Variants in PDE7B observed in about 807,000 individuals in gnomAD.
PDE7B encodes phosphodiesterase 7B.
In PDE7B, 29 loss-of-function variants were observed where a neutral mutation model predicts 56.2. The observed-to-expected ratio is 0.52, with a 90% CI of 0.38 to 0.70. The LOEUF (loss-of-function observed/expected upper bound fraction) is 0.70, where lower values mean the gene tolerates loss of function less well. Among genes scored for constraint, PDE7B ranks in the 30% least tolerant of loss-of-function variants. The probability of loss-of-function intolerance (pLI) is 0.00; values close to 1 mark genes in which losing one functional copy is unlikely to be tolerated. For missense variants in PDE7B, 490 were observed against 565.0 expected (o/e 0.87, Z 1.35); for synonymous variants, 197 against 196.9 (o/e 1.00, Z 0.00).
chr6:136,012,920 C>A (rs1040720644), intron 2 of PDE7B, among the ~76,000 whole-genome samples: 1 of 152,080 alleles, frequency 6.6e-6, no homozygotes, highest in East Asian at 1.9e-4. Flanking sequence ...CTGTGGAGAG[C>A]AGAATTAGCC....
intron 1 of PDE7B, among the ~76,000 whole-genome samples, chr6:135,905,335 CGT>C (rs1252297143): frequency 8.2e-5 from 10 of 122,434 alleles, no homozygotes; most frequent in African/African-American, 3.1e-4. Flanking sequence ...TACATACATG[CGT>C]GTGTGTGTGT....
intron 1 of PDE7B, among the ~76,000 whole-genome samples, chr6:135,882,687 T>G (rs1231450563): frequency 1.3e-5 from 2 of 152,220 alleles, no homozygotes; most frequent in East Asian, 3.8e-4. Context: ...TAAAGTAATT[T>G]TTGTGCTGTG....
At chr6:135,916,788 T>C (rs997959601) in intron 1 of PDE7B, among the ~76,000 whole-genome samples, 2 of 152,276 alleles carry the variant, frequency 1.3e-5, no homozygotes, top group South Asian at 4.1e-4. Flanking sequence ...ACAATTTCAT[T>C]GTCAGATATA....
At chr6:136,148,972 T>G (rs528931044) in intron 4 of PDE7B, 115 bp from the exon 5 acceptor site, 1 of 714,084 alleles carries the variant, frequency 1.4e-6, no homozygotes. Context: ...TTGCACTAGA[T>G]GGTAGTATGC....
At chr6:136,037,932 A>G in intron 2 of PDE7B, 2 of 1,189,484 alleles carry the variant, frequency 1.7e-6, no homozygotes, top group South Asian at 1.6e-5. Context: ...CCTGGGATTA[A>G]TTAAGTGCTG....
chr6:136,102,417 C>T (rs182770086), intron 2 of PDE7B, among the ~76,000 whole-genome samples: 4 of 152,256 alleles, frequency 2.6e-5, no homozygotes, highest in East Asian at 1.9e-4. Context: ...TAAAAAACAA[C>T]GAACTTTGCT....
At chr6:136,170,296 A>G (rs1778858325) in intron 8 of PDE7B, among the ~76,000 whole-genome samples, 1 of 152,118 alleles carries the variant, frequency 6.6e-6, no homozygotes. Flanking sequence ...TTGTGGTAAA[A>G]TACATGTAAT....
At chr6:136,065,494 G>A (rs1776918596) in intron 2 of PDE7B, among the ~76,000 whole-genome samples, 1 of 152,142 alleles carries the variant, frequency 6.6e-6, no homozygotes, top group African/African-American at 2.4e-5. Flanking sequence ...GCATCACAAA[G>A]CATCTAATTG....
At position 136,183,320 on chromosome 6, in the gene PDE7B, A is replaced by G. The variant is rs533346213; in HGVS notation, c.1045+1997A>G. On this transcript the variant is annotated intron_variant, in intron 11 of 12. Coordinates refer to ENST00000308191, the MANE Select transcript of PDE7B (RefSeq NM_018945.4). ...TTTAAGAGAAGATTATAGGCTGGGCATGGTGGCTCACGCCTGTAATCCCAA... is the reference window on the plus strand; with the variant it reads ...TTTAAGAGAAGATTATAGGCTGGGCGTGGTGGCTCACGCCTGTAATCCCAA... 3.2e-3 allele frequency among the ~76,000 whole-genome samples: 488 copies of G among 152,018 alleles called. 1 individual carries two copies. Among genetic ancestry groups the G allele is most frequent in the South Asian group, 0.015 (72 of 4,804 alleles).
chr6:136,154,440 C>T (rs1871693), intron 7 of PDE7B, among the ~76,000 whole-genome samples: 39,782 of 150,920 alleles, frequency 0.26, 5,968 homozygotes, highest in East Asian at 0.37. Context: ...AAAACTTCCT[C>T]TCTATGGCAA....
At chr6:135,988,234 G>A (rs1254296122) in intron 2 of PDE7B, among the ~76,000 whole-genome samples, 1 of 152,106 alleles carries the variant, frequency 6.6e-6, no homozygotes, top group Non-Finnish European at 1.5e-5. Flanking sequence ...AGAATTGCCT[G>A]TAGAAGAAGG....
At chr6:135,937,204 A>T (rs75959451) in intron 1 of PDE7B, among the ~76,000 whole-genome samples, 2,075 of 152,328 alleles carry the variant, frequency 0.014, 51 homozygotes, top group African/African-American at 0.046. Flanking sequence ...TGTGGTACTC[A>T]TGTTACAGAA....
At chr6:136,074,310 TAGTA>T (rs1777097062) in intron 2 of PDE7B, among the ~76,000 whole-genome samples, 1 of 152,054 alleles carries the variant, frequency 6.6e-6, no homozygotes, top group South Asian at 2.1e-4. Flanking sequence ...TGTGGGCACA[TAGTA>T]AGGGTATATA....
At chr6:135,976,876 T>A (rs1775195250) in intron 2 of PDE7B, among the ~76,000 whole-genome samples, 1 of 152,236 alleles carries the variant, frequency 6.6e-6, no homozygotes, top group Non-Finnish European at 1.5e-5. Context: ...ACACTTTCTA[T>A]CCCATTCATT....
intron 2 of PDE7B, among the ~76,000 whole-genome samples, chr6:136,003,839 C>T (rs1467124743): frequency 6.6e-6 from 1 of 152,202 alleles, no homozygotes; most frequent in Non-Finnish European, 1.5e-5. Flanking sequence ...GGAATCTTCC[C>T]TAACTCATTT....
At chr6:136,186,711 A>G (rs867267363) in intron 11 of PDE7B, among the ~76,000 whole-genome samples, 4 of 152,226 alleles carry the variant, frequency 2.6e-5, no homozygotes, top group African/African-American at 9.6e-5. Context: ...ACTTAAAGCC[A>G]TAACTTTTAT....
intron 3 of PDE7B, among the ~76,000 whole-genome samples, chr6:136,138,592 T>C (rs1366266767): frequency 6.6e-6 from 1 of 152,164 alleles, no homozygotes; most frequent in Non-Finnish European, 1.5e-5. Context: ...GCTTTATGTA[T>C]GTCCTCAAAT....
chr6:136,028,712 C>G (rs1011839138), intron 2 of PDE7B, among the ~76,000 whole-genome samples: 1 of 152,226 alleles, frequency 6.6e-6, no homozygotes, highest in South Asian at 2.1e-4. Context: ...TTCTGCCTCC[C>G]TCTTCCACAT....
At chr6:136,153,558 C>T (rs1778559085) in intron 6 of PDE7B, among the ~76,000 whole-genome samples, 1 of 152,124 alleles carries the variant, frequency 6.6e-6, no homozygotes, top group Admixed American at 6.5e-5. Flanking sequence ...ACAGTTGGAT[C>T]AAGGCAATAC....
Sources: allele counts gnomAD v4.1 joint callset (sites outside exome capture counted in the v4.1 genomes callset), GRCh38; gene constraint gnomAD v4.1.1; transcripts MANE v1.5; gene names NCBI Gene and HGNC (gene_info 2026-07-23, HGNC 2026-07-21).